Variants in KDM4C observed in about 807,000 individuals in gnomAD.
The protein encoded by KDM4C is lysine-specific demethylase 4C.
A neutral mutation model predicts 129.3 loss-of-function variants in KDM4C; 81 were observed. That is an observed-to-expected ratio of 0.63 (90% CI 0.52 to 0.75). The LOEUF (loss-of-function observed/expected upper bound fraction) is 0.75. Ranked by LOEUF, KDM4C falls within the 30% of genes least tolerant of loss-of-function variation. KDM4C has a pLI of 0.00. For missense variants in KDM4C, 1,457 were observed against 1,304.0 expected (o/e 1.12, Z -1.81); for synonymous variants, 573 against 456.1 (o/e 1.26, Z -3.26).
Position 7,069,767 on chromosome 9 carries a change from G to T in KDM4C, c.2424+20567G>T, listed in dbSNP as rs1832942945. On this transcript the variant is annotated intron_variant, in intron 17 of 21. Transcript: ENST00000381309. ...ATGTGACTCCCTAAATGGGTAAAGG[G>T]AAGGTAAAGTCAAAATAGTAGTAAT... 2.0e-5 allele frequency among the ~76,000 whole-genome samples: 3 copies of T among 152,188 alleles called. No individual in the cohort carries two copies. In the South Asian group the frequency reaches 6.2e-4, roughly 31 times the overall value.
At chr9:7,011,062 A>G (rs1444530574) in intron 12 of KDM4C, among the ~76,000 whole-genome samples, 3 of 152,184 alleles carry the variant, frequency 2.0e-5, no homozygotes, top group African/African-American at 7.2e-5. Flanking sequence ...AAAAAAAGAA[A>G]GAAAAAGAAA....
intron 1 of KDM4C, among the ~76,000 whole-genome samples, chr9:6,789,550 G>C (rs1333585560): frequency 1.3e-5 from 2 of 151,388 alleles, no homozygotes; most frequent in African/African-American, 4.9e-5. Flanking sequence ...TTTTTTTTTA[G>C]AGACAGGGTT....
intron 1 of KDM4C, among the ~76,000 whole-genome samples, chr9:6,764,733 G>A (rs929420546): frequency 1.3e-5 from 2 of 152,102 alleles, no homozygotes; most frequent in Admixed American, 1.3e-4. Context: ...TATTACTATG[G>A]GTGGATATTT....
chr9:6,757,950 G>GGC (rs1818552899), upstream of KDM4C: 5 of 985,254 alleles, frequency 5.1e-6, no homozygotes, highest in African/African-American at 5.2e-5. Context: ...GTCACGTGAC[G>GGC]GCGCGCGCGC....
At chr9:7,056,248 C>G (rs865948410) in intron 17 of KDM4C, among the ~76,000 whole-genome samples, 1 of 152,050 alleles carries the variant, frequency 6.6e-6, no homozygotes, top group South Asian at 2.1e-4. Context: ...TATTATTTAA[C>G]ACGGCCAGTA....
chr9:7,069,154 G>T (rs1360295722), intron 17 of KDM4C, among the ~76,000 whole-genome samples: 1 of 152,134 alleles, frequency 6.6e-6, no homozygotes, highest in Non-Finnish European at 1.5e-5. Flanking sequence ...GGCTGTATAA[G>T]TGCTCAATAA....
intron 1 of KDM4C, among the ~76,000 whole-genome samples, chr9:6,790,654 C>CAAAAAAAAAAAA (rs1186296239): frequency 1.5e-5 from 1 of 65,216 alleles, no homozygotes; most frequent in African/African-American, 6.0e-5. Flanking sequence ...TTAAATTCAG[C>CAAAAAAAAAAAA]AAAAAAAAAA....
At chr9:6,961,346 T>C (rs1286862103) in intron 8 of KDM4C, among the ~76,000 whole-genome samples, 1 of 152,128 alleles carries the variant, frequency 6.6e-6, no homozygotes, top group African/African-American at 2.4e-5. Context: ...AAGAACCATA[T>C]TACATCCAGA....
chr9:7,077,534 G>A (rs1371967747), intron 17 of KDM4C, among the ~76,000 whole-genome samples: 1 of 152,010 alleles, frequency 6.6e-6, no homozygotes, highest in Non-Finnish European at 1.5e-5. Context: ...TTTATATTTT[G>A]TAAAACTGGG....
intron 1 of KDM4C, among the ~76,000 whole-genome samples, chr9:6,787,523 A>G (rs1825734802): frequency 2.6e-5 from 4 of 152,198 alleles, no homozygotes; most frequent in Admixed American, 2.6e-4. Flanking sequence ...GTGAGCCACC[A>G]CGCCCAGGCC....
chr9:6,930,562 T>C (rs149464857), intron 8 of KDM4C, among the ~76,000 whole-genome samples: 1 of 148,790 alleles, frequency 6.7e-6, no homozygotes, highest in Admixed American at 6.7e-5. Flanking sequence ...CAGTATGTTA[T>C]ATATGTTATC....
chr9:7,095,514 G>C (rs1226729884), intron 17 of KDM4C, among the ~76,000 whole-genome samples: 1 of 146,184 alleles, frequency 6.8e-6, no homozygotes, highest in Non-Finnish European at 1.5e-5. Context: ...AATAAACAAA[G>C]ATCTTTTTTT....
chr9:6,811,778 G>A (rs1288512163), intron 3 of KDM4C, among the ~76,000 whole-genome samples: 1 of 152,082 alleles, frequency 6.6e-6, no homozygotes, highest in Non-Finnish European at 1.5e-5. Context: ...GCTTATGAAT[G>A]GAAGCCTGAG....
chr9:7,129,104 A>G (rs1564154454), intron 19 of KDM4C, among the ~76,000 whole-genome samples: 2 of 152,196 alleles, frequency 1.3e-5, no homozygotes, highest in East Asian at 1.9e-4. Flanking sequence ...TAATGTAGTC[A>G]TCACTTCTGC....
At chr9:6,807,519 C>T (rs895837654) in intron 3 of KDM4C, among the ~76,000 whole-genome samples, 6 of 146,062 alleles carry the variant, frequency 4.1e-5, no homozygotes, top group South Asian at 2.2e-4. Flanking sequence ...ATGTGGGGAG[C>T]GCCTCTGCCC....
intron 15 of KDM4C, among the ~76,000 whole-genome samples, chr9:7,031,086 C>T (rs7866711): frequency 0.16 from 24,421 of 151,814 alleles, 2,566 homozygotes; most frequent in South Asian, 0.4. Flanking sequence ...AAATGGGTTT[C>T]CAACTTAGCC....
chr9:6,987,925 G>A (rs775291376), intron 11 of KDM4C, among the ~76,000 whole-genome samples: 2 of 151,812 alleles, frequency 1.3e-5, no homozygotes, highest in Non-Finnish European at 2.9e-5. Context: ...GAGAGACTGT[G>A]GTGGGAGGAT....
At chr9:6,861,346 T>C (rs144614860) in intron 5 of KDM4C, among the ~76,000 whole-genome samples, 372 of 152,362 alleles carry the variant, frequency 2.4e-3, no homozygotes, top group African/African-American at 8.6e-3. Context: ...GTCATAGATA[T>C]GTGCAGTTTC....
At chr9:6,815,575 C>G (rs891978794) in intron 4 of KDM4C, among the ~76,000 whole-genome samples, 1 of 152,090 alleles carries the variant, frequency 6.6e-6, no homozygotes, top group African/African-American at 2.4e-5. Context: ...CAATACACAC[C>G]TGGATACCAT....
Sources: allele counts gnomAD v4.1 joint callset (sites outside exome capture counted in the v4.1 genomes callset), GRCh38; gene constraint gnomAD v4.1.1; transcripts MANE v1.5; gene names NCBI Gene and HGNC (gene_info 2026-07-23, HGNC 2026-07-21).